The following MAF variants were observed in gnomAD, a reference collection of about 807,000 sequenced individuals.
MAF encodes transcription factor Maf.
Under a neutral mutation model 22.0 loss-of-function variants are expected in MAF, and 10 were observed. That is an observed-to-expected ratio of 0.45 (90% confidence interval 0.28 to 0.77). MAF has a LOEUF of 0.77. Among genes scored for constraint, MAF ranks in the 30% least tolerant of loss-of-function variants. The pLI is 0.12. For missense variants in MAF, 544 were observed against 548.4 expected (o/e 0.99, Z 0.08); for synonymous variants, 337 against 255.8 (o/e 1.32, Z -3.03).
chr16:79,285,800 G>A, the MAF span, among the ~76,000 whole-genome samples: 2 of 152,160 alleles, frequency 1.3e-5, no homozygotes, highest in African/African-American at 2.4e-5. Context: ...CGTGACCAGC[G>A]CACACTGAGG....
chr16:79,501,065 C>A, the MAF span, among the ~76,000 whole-genome samples: 1 of 152,158 alleles, frequency 6.6e-6, no homozygotes, highest in African/African-American at 2.4e-5. Flanking sequence ...TGGGTTACAT[C>A]AACAGAAATG....
At chr16:79,431,210 A>G in the MAF span, among the ~76,000 whole-genome samples, 1 of 152,146 alleles carries the variant, frequency 6.6e-6, no homozygotes, top group African/African-American at 2.4e-5. Context: ...CTACTCAACC[A>G]TACACAGCAG....
chr16:79,430,633 T>C, the MAF span, among the ~76,000 whole-genome samples: 1 of 152,180 alleles, frequency 6.6e-6, no homozygotes, highest in African/African-American at 2.4e-5. Context: ...GGCCCAGGCC[T>C]GGTGTTGGTG....
the MAF span, among the ~76,000 whole-genome samples, chr16:79,521,252 C>G: frequency 1.1e-4 from 17 of 152,224 alleles, no homozygotes; most frequent in African/African-American, 4.1e-4. Context: ...AGAATCGCAA[C>G]ATATCATTGG....
At chr16:79,216,594 C>G in the MAF span, among the ~76,000 whole-genome samples, 1 of 152,234 alleles carries the variant, frequency 6.6e-6, no homozygotes. Context: ...TTGTCCAACT[C>G]TAGGTAAACT....
chr16:79,335,970 A>G, the MAF span, among the ~76,000 whole-genome samples: 2 of 152,306 alleles, frequency 1.3e-5, no homozygotes, highest in African/African-American at 4.8e-5. Flanking sequence ...AGCCAGGTTG[A>G]GAGCCCAGCT....
chr16:79,383,455 T>G, the MAF span, among the ~76,000 whole-genome samples: 3 of 152,204 alleles, frequency 2.0e-5, no homozygotes, highest in Admixed American at 2.0e-4. Context: ...GATGGTAAAC[T>G]TTATATTGGC....
the MAF span, among the ~76,000 whole-genome samples, chr16:79,520,990 A>G: frequency 1.6e-4 from 25 of 152,190 alleles, no homozygotes; most frequent in Admixed American, 3.9e-4. Context: ...CAAGTAACTT[A>G]CCCAAGATCA....
chr16:79,254,090 G>A, the MAF span, among the ~76,000 whole-genome samples: 154 of 151,632 alleles, frequency 1.0e-3, no homozygotes, highest in Non-Finnish European at 1.7e-3. Flanking sequence ...AATAAAATGC[G>A]TCATGCACAT....
chr16:79,383,884 G>T, the MAF span, among the ~76,000 whole-genome samples: 1 of 152,192 alleles, frequency 6.6e-6, no homozygotes, highest in African/African-American at 2.4e-5. Flanking sequence ...AGATACATTT[G>T]TCAAGTCCTG....
the MAF span, among the ~76,000 whole-genome samples, chr16:79,509,869 T>C: frequency 6.6e-6 from 1 of 152,292 alleles, no homozygotes; most frequent in South Asian, 2.1e-4. Context: ...AATTAACTTG[T>C]CAGAGAGAGC....
At chr16:79,251,469 C>A in the MAF span, among the ~76,000 whole-genome samples, 1 of 151,990 alleles carries the variant, frequency 6.6e-6, no homozygotes, top group African/African-American at 2.4e-5. Context: ...GCACCTGCCA[C>A]CACATCTGGC....
the MAF span, among the ~76,000 whole-genome samples, chr16:79,340,010 A>G: frequency 2.0e-5 from 3 of 152,162 alleles, no homozygotes; most frequent in East Asian, 1.9e-4. Flanking sequence ...AACACAGCCA[A>G]CTGATTAGTT....
At chr16:79,502,258 C>T in the MAF span, among the ~76,000 whole-genome samples, 1 of 152,168 alleles carries the variant, frequency 6.6e-6, no homozygotes, top group East Asian at 1.9e-4. Context: ...GCCTGCTGGC[C>T]TCAGGTTACC....
chr16:79,597,795 G>T (rs1913640372), intron 1 of MAF: 4 of 992,798 alleles, frequency 4.0e-6, no homozygotes, highest in Non-Finnish European at 3.6e-6. Context: ...TGTCCAGCAT[G>T]CAGGCTTTTT....
In MAF at chr16:79,599,758, G is replaced by A; in HGVS notation, c.145C>T (p.Leu49Phe). Reference protein sequence around the residue: ...TDRIISQCGRLIAGGSLSSTP... With the variant: ...TDRIISQCGRFIAGGSLSSTP... ...GAGGACAGCGAGCCCCCGGCGATGA[G>A]ACGGCCGCACTGGCTGATGATGCGG... Residue 49 changes from leucine to phenylalanine, a missense_variant, in exon 1 of 2, where the codon CTC becomes TTC. By Grantham distance (22) the Leu-to-Phe change is conservative. Coordinates refer to ENST00000326043, the MANE Select transcript of MAF (RefSeq NM_005360.5). The A allele has an allele frequency of 6.2e-7, 1 of 1,613,084 alleles. No individual in the cohort carries two copies. Among genetic ancestry groups the A allele is most frequent in the Non-Finnish European group, 8.5e-7 (1 of 1,179,910 alleles).
the MAF span, among the ~76,000 whole-genome samples, chr16:79,411,483 G>A: frequency 6.6e-6 from 1 of 152,166 alleles, no homozygotes; most frequent in East Asian, 1.9e-4. Flanking sequence ...GAACATTGGG[G>A]AAAGCCCTGG....
chr16:79,279,206 C>A, the MAF span, among the ~76,000 whole-genome samples: 3 of 152,082 alleles, frequency 2.0e-5, no homozygotes, highest in Admixed American at 6.5e-5. Context: ...TCCCTCTCCA[C>A]CCCCTCATTC....
At chr16:79,544,070 ATGTT>A in the MAF span, among the ~76,000 whole-genome samples, 1 of 152,180 alleles carries the variant, frequency 6.6e-6, no homozygotes, top group Non-Finnish European at 1.5e-5. Context: ...AAACGGGAAA[ATGTT>A]TGTAAAATTA....
Sources: gnomAD v4.1 joint callset for allele counts (sites outside exome capture counted in the v4.1 genomes callset) on GRCh38, gnomAD v4.1.1 for gene constraint, MANE v1.5 for transcripts, NCBI Gene and HGNC (gene_info 2026-07-23, HGNC 2026-07-21) for gene names.